ADRA1A: variants seen among roughly 807,000 people sequenced by gnomAD.
ADRA1A encodes adrenoceptor alpha 1A.
ADRA1A carries 31 observed loss-of-function variants against 29.6 expected under a neutral mutation model. That is an observed-to-expected ratio of 1.05 (90% confidence interval 0.79 to 1.41). The LOEUF is 1.41. Among genes scored for constraint, ADRA1A ranks in the 40% most tolerant of loss-of-function variants. ADRA1A has a pLI of 0.00. For missense variants in ADRA1A, 619 were observed against 601.1 expected, an observed-to-expected ratio of 1.03 and a Z score of -0.31; for synonymous variants, 311 against 254.3, an observed-to-expected ratio of 1.22 and a Z score of -2.12.
downstream of ADRA1A, chr8:26,766,013 T>G (rs761258809): frequency 4.3e-6 from 7 of 1,612,008 alleles, no homozygotes; most frequent in South Asian, 4.4e-5. Flanking sequence ...AGCTGACTCC[T>G]CATTTGCAGA....
chr8:26,824,267 T>C (rs1810384027), intron 2 of ADRA1A, among the ~76,000 whole-genome samples: 1 of 151,798 alleles, frequency 6.6e-6, no homozygotes, highest in Middle Eastern at 3.2e-3. Context: ...GTGAAGTGAC[T>C]CATCCTGGGT....
At position 26,866,301 on chromosome 8, in the gene ADRA1A, C is replaced by T. The variant is rs573542; in HGVS notation, c.-687+635G>A. On this transcript the variant is annotated intron_variant, in intron 1 of 2. Transcript: ENST00000380573. This position sits in a 1 kb window ranked among gnomAD's most constrained non-coding sequence, Gnocchi z 5.7. ...ACAGAAAGCGACCCAGGTCTGTCCA[C>T]GACGCCTTTCCAAGCCTCACTGTTG... 0.9 allele frequency among the ~76,000 whole-genome samples: 137,579 copies of T among 152,200 alleles called. 62,522 individuals are homozygous for T. Among genetic ancestry groups the T allele is most frequent in the Non-Finnish European group, 0.96 (64,961 of 68,004 alleles).
At chr8:26,777,956 C>A (rs1585667181) in intron 2 of ADRA1A, among the ~76,000 whole-genome samples, 1 of 152,198 alleles carries the variant, frequency 6.6e-6, no homozygotes, top group Admixed American at 6.5e-5. Context: ...CCAATCCAGG[C>A]AAGGAAAGAG....
At chr8:26,824,637 C>CA (rs1485967271) in intron 2 of ADRA1A, among the ~76,000 whole-genome samples, 1 of 152,184 alleles carries the variant, frequency 6.6e-6, no homozygotes, top group African/African-American at 2.4e-5. Context: ...TCAATGCCAG[C>CA]ATGCTCCCTT....
In ADRA1A at chr8:26,864,085, A is replaced by G. The variant is rs748076689; in HGVS notation, c.883+2T>C. 2 of 1,611,322 alleles carry G rather than the reference A, an allele frequency of 1.2e-6. No individual in the cohort carries two copies. The highest frequency in any genetic ancestry group is 3.3e-4 in the Middle Eastern group (2 of 6,030). On this transcript the variant is annotated splice_donor_variant, in intron 2 of 2. Coordinates refer to ENST00000380573, the MANE Select transcript of ADRA1A (RefSeq NM_000680.4). LOFTEE classifies it high-confidence loss of function. This position sits in a 1 kb window ranked among gnomAD's most constrained non-coding sequence, Gnocchi z 8.1. ...CTAAAGTGAGGGGTGTTCAAGACTT[A>G]CCAATGGGCATGACTAAGAAAAAAG...
At chr8:26,837,860 GA>G (rs1811502484) in intron 2 of ADRA1A, among the ~76,000 whole-genome samples, 1 of 152,192 alleles carries the variant, frequency 6.6e-6, no homozygotes, top group African/African-American at 2.4e-5. Flanking sequence ...TGTATGCTCA[GA>G]ATGTTCCCAC....
rs1215694229 is a variant in ADRA1A at position 26,786,315 on chromosome 8, ACCTTCG to A, written c.884-15655_884-15650del. On this transcript the variant is annotated intron_variant, in intron 2 of 2. Coordinates refer to ENST00000380573, the MANE Select transcript of ADRA1A (RefSeq NM_000680.4). ...AGTGGCGCAGTCTTGGCTCACTGCA[ACCTTCG>A]CCTCCCAGGCTCAAGCAATTCTCCT... Among the ~76,000 whole-genome samples the A allele has an allele frequency of 1.7e-3, 260 of 151,814 alleles. 1 individual carries two copies. Among genetic ancestry groups the A allele is most frequent in the African/African-American group, 5.6e-3 (232 of 41,384 alleles).
intron 2 of ADRA1A, among the ~76,000 whole-genome samples, chr8:26,832,135 G>A (rs940474313): frequency 6.6e-6 from 1 of 152,200 alleles, no homozygotes; most frequent in African/African-American, 2.4e-5. Context: ...GTTGAAGTTG[G>A]GAACGAAGTC....
chr8:26,839,783 G>T (rs1365841524), intron 2 of ADRA1A, among the ~76,000 whole-genome samples: 1 of 152,170 alleles, frequency 6.6e-6, no homozygotes, highest in African/African-American at 2.4e-5. Context: ...ATAGGAGCAG[G>T]TCTTGGGGTG....
intron 2 of ADRA1A, among the ~76,000 whole-genome samples, chr8:26,845,787 C>T (rs1191637629): frequency 6.6e-6 from 1 of 152,136 alleles, no homozygotes; most frequent in African/African-American, 2.4e-5. Context: ...CATACCATAA[C>T]ATGGATGAAG....
chr8:26,806,355 A>G lies in ADRA1A; in HGVS notation c.884-35689T>C, dbSNP rs182135475. 2.8e-4 allele frequency among the ~76,000 whole-genome samples: 42 copies of G among 151,764 alleles called. No individual in the cohort carries two copies. The highest frequency in any genetic ancestry group is 1.0e-3 in the African/African-American group (42 of 41,350). On this transcript the variant is annotated intron_variant, in intron 2 of 2. Coordinates refer to ENST00000380573, the MANE Select transcript of ADRA1A (RefSeq NM_000680.4). This position sits in a 1 kb window ranked among gnomAD's most constrained non-coding sequence, Gnocchi z 4.6. The stretch of plus-strand genomic sequence containing the variant: ...TGTTTTGCTCTTCCCTTACTGTATA[A>G]CAGATAGCAGGGTGCAAAAAGCCCT...
At chr8:26,799,952 A>AT (rs1317246463) in intron 2 of ADRA1A, among the ~76,000 whole-genome samples, 1 of 152,186 alleles carries the variant, frequency 6.6e-6, no homozygotes, top group Non-Finnish European at 1.5e-5. Flanking sequence ...ACTTGACTTC[A>AT]TGATGTATTA....
Position 26,866,967 on chromosome 8 carries a change from G to T in ADRA1A, c.-718C>A. On this transcript the variant is annotated 5_prime_UTR_variant, in exon 1 of 3. Coordinates refer to ENST00000380573, the MANE Select transcript of ADRA1A (RefSeq NM_000680.4). This position sits in a 1 kb window ranked among gnomAD's most constrained non-coding sequence, Gnocchi z 5.7. ...CGCCGCTGCTGAGCCACCAGCTCGC[G>T]CGCGGGGGATGTGGACCCGGCTTCG... The T allele has an allele frequency of 3.0e-6, 3 of 985,268 alleles. No homozygotes were observed. The highest frequency in any genetic ancestry group is 3.6e-6 in the Non-Finnish European group (3 of 829,842). 61.0% of individuals were successfully genotyped at this position (985,268 alleles called of 1,614,324 possible).
intron 2 of ADRA1A, among the ~76,000 whole-genome samples, chr8:26,839,540 T>C (rs574647): frequency 0.7 from 107,100 of 152,052 alleles, 38,031 homozygotes; most frequent in African/African-American, 0.73. Flanking sequence ...TTTGGTCCTT[T>C]ATTGGGCTTA....
At chr8:26,850,707 G>T (rs1426180211) in intron 2 of ADRA1A, among the ~76,000 whole-genome samples, 1 of 152,198 alleles carries the variant, frequency 6.6e-6, no homozygotes, top group Non-Finnish European at 1.5e-5. Flanking sequence ...GGCTAGGCTT[G>T]TCTCAAACTC....
chr8:26,809,283 T>C (rs1655462217), intron 2 of ADRA1A, among the ~76,000 whole-genome samples: 1 of 152,188 alleles, frequency 6.6e-6, no homozygotes, highest in South Asian at 2.1e-4. Flanking sequence ...TCTTCCTCTG[T>C]CTCTATGTGT....
At chr8:26,800,085 C>G (rs890673157) in intron 2 of ADRA1A, among the ~76,000 whole-genome samples, 1 of 151,994 alleles carries the variant, frequency 6.6e-6, no homozygotes, top group African/African-American at 2.4e-5. Flanking sequence ...ATTGTGAAAC[C>G]CTGTCTCTAC....
At position 26,866,206 on chromosome 8, in the gene ADRA1A, G is replaced by A. The variant is rs1813896877; in HGVS notation, c.-686-551C>T. 6.6e-6 allele frequency among the ~76,000 whole-genome samples: 1 copy of A among 152,174 alleles called. No homozygotes were observed. Among genetic ancestry groups the A allele is most frequent in the African/African-American group, 2.4e-5 (1 of 41,444 alleles). ...GAATTCGCACTCGGGTGTGCAGAGC[G>A]CACCGGTCTGTCCACCAGCCAAGCT... On this transcript the variant is annotated intron_variant, in intron 1 of 2. Transcript: ENST00000380573. The surrounding 1 kb of genome is among the most constrained non-coding windows in gnomAD (Gnocchi z 5.7).
At chr8:26,758,276 T>C (rs1296608592) in intron 2 of ADRA1A, among the ~76,000 whole-genome samples, 1 of 152,208 alleles carries the variant, frequency 6.6e-6, no homozygotes, top group African/African-American at 2.4e-5. Flanking sequence ...CAGGTGGGGA[T>C]GACCAGCTCC....
Sources: allele counts gnomAD v4.1 joint callset (sites outside exome capture counted in the v4.1 genomes callset), GRCh38; gene constraint gnomAD v4.1.1; non-coding constraint Gnocchi (gnomAD v3.1); transcripts MANE v1.5; gene names NCBI Gene and HGNC (gene_info 2026-07-23, HGNC 2026-07-21).